The following TNRC6C variants were observed in gnomAD, a reference collection of about 807,000 sequenced individuals.
The protein encoded by TNRC6C is trinucleotide repeat containing adaptor 6C.
In TNRC6C, 20 loss-of-function variants were observed where a neutral mutation model predicts 153.7. The ratio of observed to expected loss-of-function variants is 0.13; its 90% CI spans 0.09 to 0.19. The LOEUF (loss-of-function observed/expected upper bound fraction) is 0.19, where lower values mean the gene tolerates loss of function less well. Among genes scored for constraint, TNRC6C ranks in the 10% least tolerant of loss-of-function variants. TNRC6C has a pLI of 1.00. For missense variants in TNRC6C, 1,987 were observed against 2,172.0 expected (o/e 0.91, Z 1.69); for synonymous variants, 811 against 841.4 (o/e 0.96, Z 0.63).
At chr17:77,996,083 A>G (rs2071323945) in intron 1 of TNRC6C, among the ~76,000 whole-genome samples, 1 of 152,118 alleles carries the variant, frequency 6.6e-6, no homozygotes, top group African/African-American at 2.4e-5. Flanking sequence ...AAAAACAAAC[A>G]ACAATCCTCC....
exon 9 of TNRC6C, chr17:78,077,298 C>A: frequency 6.3e-7 from 1 of 1,583,398 alleles, no homozygotes; most frequent in African/African-American, 1.3e-5. Flanking sequence ...GGATTGCCTC[C>A]GGGCTGGGCA....
In TNRC6C at chr17:78,075,404, A is replaced by C. The variant is rs2073067280; in HGVS notation, c.3060+126A>C. ...TATAATACTTAAGTGACTTTTATCCATTTTTTTCTAACATTATGAACATTT... is the reference window on the plus strand; with the variant it reads ...TATAATACTTAAGTGACTTTTATCCCTTTTTTTCTAACATTATGAACATTT... On this transcript the variant is annotated intron_variant, in intron 8 of 19. Transcript: ENST00000301624. This position sits in a 1 kb window ranked among gnomAD's most constrained non-coding sequence, Gnocchi z 4.2. 2.6e-6 allele frequency: 3 copies of C among 1,135,104 alleles called. No individual in the cohort carries two copies. The highest frequency in any genetic ancestry group is 3.6e-6 in the Non-Finnish European group (3 of 823,306). The allele number at this position is 1,135,104 out of a possible 1,614,324, so 70.3% of individuals were successfully genotyped here. A position where few individuals can be genotyped will look rare whatever the true frequency, so the allele number is the denominator to read the frequency against.
intron 1 of TNRC6C, among the ~76,000 whole-genome samples, chr17:77,994,990 T>C (rs1217165369): frequency 1.3e-5 from 2 of 152,214 alleles, no homozygotes; most frequent in East Asian, 3.8e-4. Flanking sequence ...ATTTATGGGC[T>C]CCTCTATCAG....
chr17:78,019,433 T>C (rs1246114082), intron 1 of TNRC6C, among the ~76,000 whole-genome samples: 1 of 152,206 alleles, frequency 6.6e-6, no homozygotes, highest in Non-Finnish European at 1.5e-5. Context: ...TGTGGGAATC[T>C]CTCTATTTGG....
At chr17:78,102,051 T>A (rs1446017859) in intron 17 of TNRC6C, among the ~76,000 whole-genome samples, 1 of 152,230 alleles carries the variant, frequency 6.6e-6, no homozygotes, top group Non-Finnish European at 1.5e-5. Flanking sequence ...AAGTAATGGT[T>A]TCTGCCTTTT....
At chr17:78,047,970 G>C (rs955516059) in intron 2 of TNRC6C, among the ~76,000 whole-genome samples, 1 of 152,138 alleles carries the variant, frequency 6.6e-6, no homozygotes, top group Non-Finnish European at 1.5e-5. Flanking sequence ...AAAAGGACCC[G>C]AAGAGTTAAA....
chr17:78,072,008 C>T (rs980987861), intron 6 of TNRC6C, among the ~76,000 whole-genome samples: 3 of 152,200 alleles, frequency 2.0e-5, no homozygotes, highest in Non-Finnish European at 2.9e-5. Context: ...GCCATGTATT[C>T]GCTTCATGGG....
intron 16 of TNRC6C, among the ~76,000 whole-genome samples, chr17:78,094,355 A>C (rs1266711274): frequency 1.3e-5 from 2 of 151,898 alleles, no homozygotes; most frequent in Non-Finnish European, 2.9e-5. Context: ...TAATAAGGCC[A>C]CCTAGATAGT....
intron 13 of TNRC6C, among the ~76,000 whole-genome samples, chr17:78,089,755 C>CA (rs1177147950): frequency 1.3e-5 from 2 of 152,138 alleles, no homozygotes; most frequent in African/African-American, 2.4e-5. Context: ...AAAGAAAAAT[C>CA]AGAGAGTAGG....
chr17:78,088,832 T>A (rs1301954836), intron 13 of TNRC6C, among the ~76,000 whole-genome samples: 1 of 152,142 alleles, frequency 6.6e-6, no homozygotes, highest in Non-Finnish European at 1.5e-5. Context: ...CAGCTACTTA[T>A]GTAAGTGCTT....
chr17:78,073,645 C>T (rs1567952389), intron 7 of TNRC6C, among the ~76,000 whole-genome samples: 2 of 152,134 alleles, frequency 1.3e-5, no homozygotes. Flanking sequence ...ACTGAATTAA[C>T]GAATACCGAA....
Position 78,049,622 on chromosome 17 carries a change from C to G in TNRC6C, c.560C>G (p.Thr187Ser). Residue 187 changes from threonine to serine, a missense_variant, in exon 3 of 20, where the codon ACT (threonine) becomes AGT (serine). This residue lies in a region of TNRC6C where 1,052 missense variants were observed against 1,017.0 expected (regional missense o/e 1.03). Transcript: ENST00000301624. The surrounding 1 kb of genome is among the most constrained non-coding windows in gnomAD (Gnocchi z 4.1). ...CTTAACACTGATGGACCAAATAACA[C>G]TAACCCCATGAACTCTTCACCCAAC... 6.2e-7 allele frequency: 1 copy of G among 1,614,030 alleles called. No individual in the cohort carries two copies. Among genetic ancestry groups the G allele is most frequent in the Non-Finnish European group, 8.5e-7 (1 of 1,179,898 alleles).
intron 1 of TNRC6C, among the ~76,000 whole-genome samples, chr17:77,987,567 G>A (rs976183093): frequency 7.2e-5 from 11 of 152,172 alleles, no homozygotes; most frequent in African/African-American, 2.7e-4. Context: ...GATAAAAACA[G>A]TGTCAAATGG....
At chr17:78,042,210 AAG>A (rs1463169249) in intron 2 of TNRC6C, among the ~76,000 whole-genome samples, 3 of 152,212 alleles carry the variant, frequency 2.0e-5, no homozygotes, top group South Asian at 2.1e-4. Context: ...AGCAGAAGAA[AAG>A]AGAATTTAAC....
chr17:78,100,047 G>A (rs1226865813), intron 17 of TNRC6C, among the ~76,000 whole-genome samples: 2 of 152,222 alleles, frequency 1.3e-5, no homozygotes, highest in African/African-American at 4.8e-5. Context: ...TCGCATCTGG[G>A]TCATGCTTAG....
At chr17:78,062,900 C>T (rs533737973) in intron 3 of TNRC6C, among the ~76,000 whole-genome samples, 2 of 152,168 alleles carry the variant, frequency 1.3e-5, no homozygotes, top group South Asian at 4.1e-4. Context: ...ACTTTTTATG[C>T]CTTCAGAGTT....
chr17:78,085,720 A>G (rs1412114839), intron 11 of TNRC6C, among the ~76,000 whole-genome samples: 1 of 152,156 alleles, frequency 6.6e-6, no homozygotes. Context: ...TGTTAGGGAG[A>G]TAACCACGTT....
intron 1 of TNRC6C, among the ~76,000 whole-genome samples, chr17:78,006,085 A>G (rs2071490733): frequency 6.6e-6 from 1 of 152,170 alleles, no homozygotes; most frequent in African/African-American, 2.4e-5. Context: ...GGTTATGTGT[A>G]TTATCTCATT....
At chr17:78,102,438 G>C in intron 17 of TNRC6C, 36 bp from the exon 21 acceptor site, 2 of 1,582,924 alleles carry the variant, frequency 1.3e-6, no homozygotes, top group Non-Finnish European at 8.6e-7. Flanking sequence ...CACTGGCACG[G>C]GGCCTTGTCA....
Sources: allele counts gnomAD v4.1 joint callset (sites outside exome capture counted in the v4.1 genomes callset), GRCh38; gene constraint gnomAD v4.1.1; regional missense constraint gnomAD v4.1.1; non-coding constraint Gnocchi (gnomAD v3.1); transcripts MANE v1.5; gene names NCBI Gene and HGNC (gene_info 2026-07-23, HGNC 2026-07-21).